BNC2: variants seen among roughly 807,000 people sequenced by gnomAD.
The protein encoded by BNC2 is zinc finger protein basonuclin-2.
BNC2 carries 20 observed loss-of-function variants against 76.3 expected under a neutral mutation model. The observed-to-expected ratio is 0.26, with a 90% CI of 0.18 to 0.38. The LOEUF is 0.38. BNC2 is among the 10% of genes least tolerant of loss of function. The probability of loss-of-function intolerance (pLI) is 1.00; values close to 1 mark genes in which losing one functional copy is unlikely to be tolerated. For synonymous variants in BNC2, 582 were observed against 514.8 expected, an observed-to-expected ratio of 1.13 and a Z score of -1.77; for missense variants, 1,382 against 1,399.8, an observed-to-expected ratio of 0.99 and a Z score of 0.20.
chr9:16,609,844 C>G (rs1320053493), intron 3 of BNC2, among the ~76,000 whole-genome samples: 1 of 152,138 alleles, frequency 6.6e-6, no homozygotes, highest in Non-Finnish European at 1.5e-5. Context: ...TCTTACCTTT[C>G]CCTTGGTACC....
chr9:16,728,075 A>T, intron 2 of BNC2, 78 bp from the exon 3 acceptor site: 2 of 849,726 alleles, frequency 2.4e-6, no homozygotes, highest in Non-Finnish European at 3.5e-6. Flanking sequence ...AGCTGGCTGA[A>T]CTGTGCATTT....
chr9:16,490,856 G>C (rs975392310), intron 5 of BNC2, among the ~76,000 whole-genome samples: 1 of 152,182 alleles, frequency 6.6e-6, no homozygotes, highest in Non-Finnish European at 1.5e-5. Context: ...TTTCATGTCA[G>C]AATGAGCAGT....
chr9:16,579,287 T>A (rs994706097), intron 4 of BNC2, among the ~76,000 whole-genome samples: 2 of 152,066 alleles, frequency 1.3e-5, no homozygotes, highest in East Asian at 1.9e-4. Flanking sequence ...ATTTATTATT[T>A]TTTTTTTATT....
At chr9:16,862,392 T>A (rs903539780) in intron 1 of BNC2, among the ~76,000 whole-genome samples, 2 of 152,214 alleles carry the variant, frequency 1.3e-5, no homozygotes, top group African/African-American at 2.4e-5. Flanking sequence ...TAGTGTTATA[T>A]AAAATATGAA....
At chr9:16,674,216 G>T (rs1414699730) in intron 3 of BNC2, among the ~76,000 whole-genome samples, 2 of 152,156 alleles carry the variant, frequency 1.3e-5, no homozygotes, top group Admixed American at 6.5e-5. Flanking sequence ...TGAGGGTCTG[G>T]ATAAAATTTT....
intron 1 of BNC2, among the ~76,000 whole-genome samples, chr9:16,766,412 A>C (rs188342415): frequency 1.3e-3 from 199 of 152,228 alleles, no homozygotes; most frequent in African/African-American, 4.6e-3. Context: ...CAGGATGCTT[A>C]AATTCCTCAA....
intron 3 of BNC2, among the ~76,000 whole-genome samples, chr9:16,600,969 G>C (rs1820228547): frequency 6.6e-6 from 1 of 152,104 alleles, no homozygotes; most frequent in South Asian, 2.1e-4. Flanking sequence ...TTTAATTTGG[G>C]ATCACAGAAA....
chr9:16,539,549 G>C (rs1344147049), intron 5 of BNC2, among the ~76,000 whole-genome samples: 1 of 140,442 alleles, frequency 7.1e-6, no homozygotes, highest in East Asian at 2.1e-4. Flanking sequence ...AAGAGAGGGA[G>C]AGAGGGGGAG....
At chr9:16,555,612 G>A (rs1013843445) in intron 4 of BNC2, among the ~76,000 whole-genome samples, 5 of 151,712 alleles carry the variant, frequency 3.3e-5, no homozygotes, top group Admixed American at 1.3e-4. Flanking sequence ...TGGGCAATGC[G>A]GTGAAACTCC....
chr9:16,839,388 T>G (rs1321119220), intron 1 of BNC2, among the ~76,000 whole-genome samples: 1 of 152,196 alleles, frequency 6.6e-6, no homozygotes, highest in Non-Finnish European at 1.5e-5. Flanking sequence ...CTTCCTTCTA[T>G]GTAGTACTAA....
chr9:16,739,591 G>C (rs979544072), intron 1 of BNC2, among the ~76,000 whole-genome samples: 2 of 152,188 alleles, frequency 1.3e-5, no homozygotes, highest in African/African-American at 4.8e-5. Context: ...GGAATCACTT[G>C]AACCCAAGAG....
At chr9:16,590,856 T>G (rs1004349871) in intron 3 of BNC2, among the ~76,000 whole-genome samples, 1 of 152,118 alleles carries the variant, frequency 6.6e-6, no homozygotes, top group African/African-American at 2.4e-5. Context: ...AAATCTGGAA[T>G]AGCAAATTAT....
intron 1 of BNC2, among the ~76,000 whole-genome samples, chr9:16,757,206 T>C (rs1185314782): frequency 1.3e-5 from 2 of 152,214 alleles, no homozygotes; most frequent in Non-Finnish European, 2.9e-5. Context: ...GCCATGAAAG[T>C]AGACAAGCAG....
chr9:16,585,271 G>GT (rs1277719962), intron 3 of BNC2, among the ~76,000 whole-genome samples: 1 of 152,134 alleles, frequency 6.6e-6, no homozygotes, highest in Non-Finnish European at 1.5e-5. Flanking sequence ...CTCTGAACAA[G>GT]TTTATGATTC....
chr9:16,620,167 G>A (rs750542422), intron 3 of BNC2, among the ~76,000 whole-genome samples: 7 of 152,146 alleles, frequency 4.6e-5, no homozygotes, highest in Non-Finnish European at 7.4e-5. Context: ...ATGAAAAAGG[G>A]CTACATTTGT....
intron 1 of BNC2, among the ~76,000 whole-genome samples, chr9:16,869,633 A>T (rs1195149017): frequency 6.6e-6 from 1 of 152,230 alleles, no homozygotes; most frequent in Non-Finnish European, 1.5e-5. Flanking sequence ...CGACGCTGGG[A>T]GGAAGCAAAC....
chr9:16,707,649 T>C (rs963359274), intron 3 of BNC2, among the ~76,000 whole-genome samples: 2 of 152,124 alleles, frequency 1.3e-5, no homozygotes, highest in Non-Finnish European at 2.9e-5. Context: ...ATTACTATTA[T>C]TATTATTTTT....
At chr9:16,848,044 AT>A (rs1819030731) in intron 1 of BNC2, among the ~76,000 whole-genome samples, 1 of 152,234 alleles carries the variant, frequency 6.6e-6, no homozygotes, top group Non-Finnish European at 1.5e-5. Context: ...GCAGTAGCTT[AT>A]GAAAACACAA....
chr9:16,649,188 G>A (rs1308768141), intron 3 of BNC2, among the ~76,000 whole-genome samples: 5 of 152,180 alleles, frequency 3.3e-5, no homozygotes, highest in Non-Finnish European at 5.9e-5. Flanking sequence ...CTTCCAGGAC[G>A]GACTCACGGG....
Sources: allele counts gnomAD v4.1 joint callset (sites outside exome capture counted in the v4.1 genomes callset), GRCh38; gene constraint gnomAD v4.1.1; transcripts MANE v1.5; gene names NCBI Gene and HGNC (gene_info 2026-07-23, HGNC 2026-07-21).